The following SMAD3 variants were observed in gnomAD, a reference collection of about 807,000 sequenced individuals.
SMAD3 encodes the protein MAD homolog 3.
In SMAD3, 12 loss-of-function variants were observed where a neutral mutation model predicts 51.8. The ratio of observed to expected loss-of-function variants is 0.23; its 90% CI spans 0.15 to 0.38. SMAD3 has a LOEUF of 0.38. Among genes scored for constraint, SMAD3 ranks in the 10% least tolerant of loss-of-function variants. The pLI, the probability that SMAD3 is intolerant of heterozygous loss-of-function variation, is 1.00. For synonymous variants in SMAD3, 238 were observed against 227.7 expected, an observed-to-expected ratio of 1.05 and a Z score of -0.41; for missense variants, 294 against 565.6, an observed-to-expected ratio of 0.52 and a Z score of 4.87.
At chr15:67,111,607 G>A (rs1419106652) in intron 1 of SMAD3, among the ~76,000 whole-genome samples, 4 of 152,128 alleles carry the variant, frequency 2.6e-5, no homozygotes, top group Non-Finnish European at 5.9e-5. Context: ...CCATTTTACA[G>A]TCTCACCACC....
chr15:67,190,970 C>T lies in SMAD3; in HGVS notation c.*434C>T. ...GGTAGGAAGAGCCCGCAGGGCCATG[C>T]AGACCTCATGCCCAGCTCTCTGACG... is the stretch of plus-strand genomic sequence containing the variant. On this transcript the variant is annotated 3_prime_UTR_variant, in exon 9 of 9. Coordinates refer to ENST00000327367, the MANE Select transcript of SMAD3 (RefSeq NM_005902.4). The T allele has an allele frequency of 3.7e-6, 1 of 267,588 alleles. No homozygotes were observed. Among genetic ancestry groups the T allele is most frequent in the Non-Finnish European group, 7.2e-6 (1 of 138,092 alleles). The allele number at this position is 267,588 out of a possible 1,614,324, so 16.6% of individuals were successfully genotyped here.
chr15:67,180,341 G>C (rs1490473954), intron 5 of SMAD3, among the ~76,000 whole-genome samples: 2 of 151,972 alleles, frequency 1.3e-5, no homozygotes, highest in Non-Finnish European at 2.9e-5. Flanking sequence ...AGGAGGGCGA[G>C]GAGGCCCCAG....
At chr15:67,076,907 A>G (rs1045807072) in intron 1 of SMAD3, among the ~76,000 whole-genome samples, 8 of 152,178 alleles carry the variant, frequency 5.3e-5, no homozygotes, top group Admixed American at 2.0e-4. Context: ...GTGCAGGGGC[A>G]TGAAGGAATT....
chr15:67,125,269 CGCT>C (rs1961356815), intron 1 of SMAD3, among the ~76,000 whole-genome samples: 1 of 152,238 alleles, frequency 6.6e-6, no homozygotes, highest in Non-Finnish European at 1.5e-5. Flanking sequence ...CTGATCCACC[CGCT>C]TCTTTCTTTA....
intron 1 of SMAD3, among the ~76,000 whole-genome samples, chr15:67,074,476 C>T (rs1595885915): frequency 6.6e-6 from 1 of 152,212 alleles, no homozygotes; most frequent in East Asian, 1.9e-4. Context: ...CACTTGATTG[C>T]GTAAGCATGA....
rs79738232 is a variant in SMAD3 at position 67,141,608 on chromosome 15, C to A, written c.207-23287C>A. Reference sequence around the variant, plus strand: ...GTCTGGCAGTCCCTGAAGGCTGTACCAGGACCAGGCGGCAAAAATCACAGA... The same window carrying A: ...GTCTGGCAGTCCCTGAAGGCTGTACAAGGACCAGGCGGCAAAAATCACAGA... On this transcript the variant is annotated intron_variant, in intron 1 of 8. Transcript: ENST00000327367. Among the ~76,000 whole-genome samples the A allele has an allele frequency of 3.0e-3, 452 of 152,268 alleles. 15 individuals are homozygous for A. The East Asian group carries it at 0.064, about 22-fold the overall frequency.
intron 1 of SMAD3, among the ~76,000 whole-genome samples, chr15:67,145,338 AG>A (rs1056838156): frequency 6.6e-6 from 1 of 152,310 alleles, no homozygotes; most frequent in Non-Finnish European, 1.5e-5. Flanking sequence ...CAATCCACGA[AG>A]GGGGGAGTTT....
At chr15:67,129,989 G>A (rs1961483476) in intron 1 of SMAD3, among the ~76,000 whole-genome samples, 1 of 152,176 alleles carries the variant, frequency 6.6e-6, no homozygotes, top group Non-Finnish European at 1.5e-5. Context: ...GAGTCATTGA[G>A]CTCACTGGCT....
At chr15:67,130,734 C>T (rs1315165687) in intron 1 of SMAD3, among the ~76,000 whole-genome samples, 1 of 152,228 alleles carries the variant, frequency 6.6e-6, no homozygotes, top group Non-Finnish European at 1.5e-5. Context: ...GTGGCCTGTT[C>T]AGTAACAGCT....
rs1566991936 is a variant in SMAD3 at position 67,165,467 on chromosome 15, G to T, written c.532+83G>T. The T allele has an allele frequency of 3.9e-6, 6 of 1,532,498 alleles. No individual in the cohort carries two copies. The East Asian group carries it at 1.4e-4, about 35-fold the overall frequency. The allele number at this position is 1,532,498 out of a possible 1,614,324, so 94.9% of individuals were successfully genotyped here. The stretch of plus-strand genomic sequence containing the variant: ...CATCAGTCCTGTGGCCCCAATCTCT[G>T]CCCCCTGGCCGTCCCCCGCTCACCC... On this transcript the variant is annotated intron_variant, in intron 3 of 8. Transcript: ENST00000327367.
intron 1 of SMAD3, among the ~76,000 whole-genome samples, chr15:67,141,589 C>A (rs1336731640): frequency 6.6e-6 from 1 of 152,190 alleles, no homozygotes; most frequent in South Asian, 2.1e-4. Context: ...CCTTGTCTGG[C>A]AGTCCCTGAA....
At chr15:67,105,230 C>T (rs1164925066) in intron 1 of SMAD3, among the ~76,000 whole-genome samples, 3 of 152,312 alleles carry the variant, frequency 2.0e-5, no homozygotes, top group South Asian at 2.1e-4. Context: ...TTGGATGAGG[C>T]GCTCTCCAAA....
chr15:67,138,014 C>A, intron 1 of SMAD3: 1 of 1,549,870 alleles, frequency 6.5e-7, no homozygotes, highest in South Asian at 1.2e-5. Flanking sequence ...TGTGACCTCC[C>A]AACTTCACAA....
At chr15:67,150,333 C>T (rs921360249) in intron 1 of SMAD3, among the ~76,000 whole-genome samples, 1 of 152,198 alleles carries the variant, frequency 6.6e-6, no homozygotes, top group Non-Finnish European at 1.5e-5. Flanking sequence ...CCCCAACCCC[C>T]GCCCCCAGTC....
intron 1 of SMAD3, among the ~76,000 whole-genome samples, chr15:67,120,938 A>G (rs776138221): frequency 5.9e-5 from 9 of 152,304 alleles, no homozygotes; most frequent in East Asian, 1.9e-4. Context: ...CGACTCTTCC[A>G]TCGTGGCCCA....
intron 1 of SMAD3, among the ~76,000 whole-genome samples, chr15:67,146,601 G>C (rs1213112897): frequency 6.6e-6 from 1 of 152,124 alleles, no homozygotes; most frequent in East Asian, 1.9e-4. Context: ...CACTTATATG[G>C]AATCTCAGGT....
intron 5 of SMAD3, among the ~76,000 whole-genome samples, chr15:67,179,637 ACT>A (rs1962999202): frequency 2.0e-5 from 3 of 152,036 alleles, no homozygotes; most frequent in South Asian, 2.1e-4. Context: ...GGATTGGGAC[ACT>A]CTGTCCTGCA....
chr15:67,127,253 C>T (rs2140248955), intron 1 of SMAD3, among the ~76,000 whole-genome samples: 1 of 152,298 alleles, frequency 6.6e-6, no homozygotes, highest in East Asian at 1.9e-4. Context: ...GAACTGTCTA[C>T]CAGGTGTTTT....
chr15:67,177,096 GTTGA>G (rs1433594024), intron 5 of SMAD3, among the ~76,000 whole-genome samples: 1 of 152,174 alleles, frequency 6.6e-6, no homozygotes, highest in Non-Finnish European at 1.5e-5. Flanking sequence ...TGCTTGATCA[GTTGA>G]TTGATTGGTC....
Sources: allele counts gnomAD v4.1 joint callset (sites outside exome capture counted in the v4.1 genomes callset), GRCh38; gene constraint gnomAD v4.1.1; transcripts MANE v1.5; gene names NCBI Gene and HGNC (gene_info 2026-07-23, HGNC 2026-07-21).